The following SLC2A5 variants were observed in gnomAD, a reference collection of about 807,000 sequenced individuals.
SLC2A5 encodes the protein solute carrier family 2 member 5.
Under a neutral mutation model 50.3 loss-of-function variants are expected in SLC2A5, and 56 were observed. The ratio of observed to expected loss-of-function variants is 1.11; its 90% CI spans 0.90 to 1.39. The LOEUF is 1.39. SLC2A5 is among the 40% of genes most tolerant of loss of function. The pLI is 0.00. For synonymous variants in SLC2A5, 269 were observed against 281.9 expected (o/e 0.95, Z 0.46); for missense variants, 566 against 650.1 (o/e 0.87, Z 1.41).
chr1:9,084,902 T>G (rs536359560), intron 2 of SLC2A5: 1 of 152,366 alleles, frequency 6.6e-6, no homozygotes, highest in Non-Finnish European at 1.5e-5. Context: ...TCCCTGGTGG[T>G]TCAAGCTCAC....
At chr1:9,043,392 C>T (rs887427369) in intron 4 of SLC2A5, among the ~76,000 whole-genome samples, 8 of 152,042 alleles carry the variant, frequency 5.3e-5, no homozygotes. Flanking sequence ...ATTTGCAGAG[C>T]AAAGAGGGGC....
chr1:9,048,701 C>T lies in SLC2A5; in HGVS notation c.294-967G>A, dbSNP rs1325473701. On this transcript the variant is annotated intron_variant, in intron 3 of 11. Transcript: ENST00000377424. ...TTTGAGACAGAGTCTCGCTCTGTCA[C>T]CCAGGCTGGAGTGCAGTGATCGCAG... 2.6e-5 allele frequency among the ~76,000 whole-genome samples: 4 copies of T among 152,006 alleles called. No individual in the cohort carries two copies. The East Asian group carries it at 7.8e-4, about 30-fold the overall frequency.
intron 2 of SLC2A5, among the ~76,000 whole-genome samples, chr1:9,084,438 T>G (rs1642384460): frequency 6.6e-6 from 1 of 152,250 alleles, no homozygotes; most frequent in Non-Finnish European, 1.5e-5. Flanking sequence ...GACTTGTCCT[T>G]GAATTCCTTC....
At chr1:9,060,161 T>C (rs550390500) in intron 1 of SLC2A5, among the ~76,000 whole-genome samples, 1,835 of 84,030 alleles carry the variant, frequency 0.022, 27 homozygotes, top group East Asian at 0.12. Context: ...CTACACACAC[T>C]ACACACTACA....
At position 9,047,790 on chromosome 1, in the gene SLC2A5, G is replaced by T. The variant is rs3737661; in HGVS notation, c.294-56C>A. On this transcript the variant is annotated intron_variant, in intron 3 of 11. Transcript: ENST00000377424. ...CTGAAGAATTCACTCTTTCATTCAA[G>T]AAATGTTTCTGGAGTGTCTCCTCTG... 125,378 of 1,585,964 alleles carry T rather than the reference G, an allele frequency of 0.079. 6,659 individuals carry two copies. Among genetic ancestry groups the T allele is most frequent in the East Asian group, 0.28 (12,172 of 44,068 alleles).
chr1:9,071,119 G>T (rs1291480923), upstream of SLC2A5, among the ~76,000 whole-genome samples: 2 of 152,048 alleles, frequency 1.3e-5, no homozygotes, highest in African/African-American at 4.8e-5. Flanking sequence ...CCAACACAAA[G>T]AAGAATCCGG....
In SLC2A5 at chr1:9,067,485, C is replaced by T. The variant is rs569667056; in HGVS notation, c.33+2019G>A. On this transcript the variant is annotated intron_variant, in intron 1 of 11. Transcript: ENST00000377424. ...CCTTTCTGCAGCTGGACTTGGTGGA[C>T]GTGGGGAACGTGGCAGTTGTGCCTT... 3.9e-5 allele frequency among the ~76,000 whole-genome samples: 6 copies of T among 152,288 alleles called. No individual in the cohort carries two copies. In the East Asian group the frequency reaches 9.6e-4, roughly 24 times the overall value.
chr1:9,062,829 G>A (rs1477473666), intron 1 of SLC2A5, among the ~76,000 whole-genome samples: 1 of 152,042 alleles, frequency 6.6e-6, no homozygotes, highest in Non-Finnish European at 1.5e-5. Context: ...CCGAGATCAC[G>A]CCATTGCACT....
At chr1:9,062,389 C>T (rs925346889) in intron 1 of SLC2A5, among the ~76,000 whole-genome samples, 1 of 152,114 alleles carries the variant, frequency 6.6e-6, no homozygotes, top group Non-Finnish European at 1.5e-5. Context: ...GTGGGAAGGC[C>T]TGAGGCAGGC....
intron 1 of SLC2A5, among the ~76,000 whole-genome samples, chr1:9,086,777 G>C (rs562596169): frequency 9.2e-5 from 14 of 152,218 alleles, no homozygotes; most frequent in South Asian, 2.1e-4. Context: ...CATCATAAGG[G>C]TATGGAAAAC....
intron 2 of SLC2A5, among the ~76,000 whole-genome samples, chr1:9,080,564 T>G (rs1642340114): frequency 6.6e-6 from 1 of 152,204 alleles, no homozygotes; most frequent in Non-Finnish European, 1.5e-5. Flanking sequence ...GTGGTTTTGA[T>G]TTGCATTTCC....
intron 4 of SLC2A5, 141 bp downstream of exon 4, chr1:9,047,469 C>G (rs1641464131): frequency 3.8e-6 from 3 of 782,430 alleles, no homozygotes; most frequent in Non-Finnish European, 6.1e-6. Flanking sequence ...AGGTAGGGCT[C>G]AACCATCTGT....
At chr1:9,082,072 AC>A (rs1401230621) in intron 2 of SLC2A5, among the ~76,000 whole-genome samples, 5 of 152,058 alleles carry the variant, frequency 3.3e-5, no homozygotes, top group Non-Finnish European at 7.4e-5. Flanking sequence ...ACAGAGCAAG[AC>A]TCTGTCTCAA....
At chr1:9,072,544 T>C (rs1430031880), upstream of SLC2A5, among the ~76,000 whole-genome samples, 1 of 151,968 alleles carries the variant, frequency 6.6e-6, no homozygotes, top group African/African-American at 2.4e-5. Context: ...TGGACCAGCA[T>C]GGGGATGGAG....
chr1:9,086,630 A>G (rs1358648695), intron 1 of SLC2A5, among the ~76,000 whole-genome samples: 3 of 152,252 alleles, frequency 2.0e-5, no homozygotes, highest in South Asian at 4.2e-4. Context: ...ATCTCAAGCA[A>G]GCCACCCACC....
upstream of SLC2A5, among the ~76,000 whole-genome samples, chr1:9,072,553 A>G (rs1642233847): frequency 6.6e-6 from 1 of 152,128 alleles, no homozygotes; most frequent in Non-Finnish European, 1.5e-5. Flanking sequence ...ATGGGGATGG[A>G]GAAGACAGAA....
chr1:9,077,784 G>GGA (rs1642309045), intron 2 of SLC2A5, among the ~76,000 whole-genome samples: 1 of 136,038 alleles, frequency 7.4e-6, no homozygotes, highest in Non-Finnish European at 1.6e-5. Context: ...AGGGAAAGAA[G>GGA]GGGAAGAAGG....
At chr1:9,053,183 ATATATTATATATTTATATAT>A (rs1641636612) in intron 3 of SLC2A5, among the ~76,000 whole-genome samples, 1 of 94,472 alleles carries the variant, frequency 1.1e-5, no homozygotes, top group Non-Finnish European at 1.9e-5. Context: ...TTATATATTT[ATATATTATATATTTATATAT>A]TATATTTATA....
chr1:9,076,236 G>A (rs573453691), intron 2 of SLC2A5, among the ~76,000 whole-genome samples: 14 of 152,140 alleles, frequency 9.2e-5, no homozygotes, highest in Non-Finnish European at 1.6e-4. Flanking sequence ...GATTACAGGC[G>A]TGAGCCACTG....
Sources: gnomAD v4.1 joint callset for allele counts (sites outside exome capture counted in the v4.1 genomes callset) on GRCh38, gnomAD v4.1.1 for gene constraint, MANE v1.5 for transcripts, NCBI Gene and HGNC (gene_info 2026-07-23, HGNC 2026-07-21) for gene names.